Variants in NPAS3 observed in about 807,000 individuals in gnomAD.
NPAS3 encodes the protein neuronal PAS domain-containing protein 3.
A neutral mutation model predicts 73.1 loss-of-function variants in NPAS3; 14 were observed. The ratio of observed to expected loss-of-function variants is 0.19; its 90% CI spans 0.13 to 0.30. NPAS3 has a LOEUF of 0.30. Among genes scored for constraint, NPAS3 ranks in the 10% least tolerant of loss-of-function variants. NPAS3 has a pLI of 1.00. For missense variants in NPAS3, 1,096 were observed against 1,250.0 expected, an observed-to-expected ratio of 0.88 and a Z score of 1.86; for synonymous variants, 620 against 541.5, an observed-to-expected ratio of 1.14 and a Z score of -2.01.
chr14:33,257,294 C>G (rs17473068), intron 3 of NPAS3, among the ~76,000 whole-genome samples: 3 of 151,994 alleles, frequency 2.0e-5, no homozygotes, highest in Admixed American at 2.0e-4. Flanking sequence ...TTAGGGGAGT[C>G]TCAGCTGACC....
At chr14:33,333,267 T>A (rs1373412141) in intron 3 of NPAS3, among the ~76,000 whole-genome samples, 9 of 152,192 alleles carry the variant, frequency 5.9e-5, no homozygotes, top group Non-Finnish European at 1.2e-4. Context: ...TTTTATGGAT[T>A]TATGTGTCTA....
rs371610748 is a variant in NPAS3, at chr14:33,265,604, A to C, written c.385+50178A>C. 1.2e-4 allele frequency among the ~76,000 whole-genome samples: 19 copies of C among 152,292 alleles called. No homozygotes were observed. The East Asian group carries it at 3.5e-3, about 28-fold the overall frequency. ...ATGTGTTCACTTACTGAATTCTCAC[A>C]CCAGTACTAGCGGGGAAGTACTATT... is the stretch of plus-strand genomic sequence containing the variant. On this transcript the variant is annotated intron_variant, in intron 3 of 11. Coordinates refer to ENST00000356141, the Ensembl canonical transcript of NPAS3.
rs372856538 is a variant in NPAS3 at position 33,376,657 on chromosome 14, G to A, written c.468+9389G>A. On this transcript the variant is annotated intron_variant, in intron 4 of 11. Transcript: ENST00000356141. ...TTTGTATCCACATCTCCAGACATGG[G>A]AGAGTATATGACAGATTCATTATGT... is the stretch of plus-strand genomic sequence containing the variant. Among the ~76,000 whole-genome samples, 4 of 152,288 alleles carry A rather than the reference G, an allele frequency of 2.6e-5. No homozygotes were observed. In the South Asian group the frequency reaches 8.3e-4, roughly 32 times the overall value.
At chr14:33,416,131 A>G (rs1006615687) in intron 4 of NPAS3, among the ~76,000 whole-genome samples, 1 of 152,086 alleles carries the variant, frequency 6.6e-6, no homozygotes, top group Non-Finnish European at 1.5e-5. Context: ...AGGTACTTAC[A>G]AACCAACTCC....
intron 2 of NPAS3, among the ~76,000 whole-genome samples, chr14:33,127,443 G>A (rs189680492): frequency 1.3e-5 from 2 of 152,200 alleles, no homozygotes; most frequent in East Asian, 3.9e-4. Flanking sequence ...TGTTTGTAGT[G>A]TTGCATTTCC....
intron 3 of NPAS3, among the ~76,000 whole-genome samples, chr14:33,279,664 A>G (rs911700384): frequency 2.6e-5 from 4 of 152,162 alleles, no homozygotes; most frequent in Admixed American, 6.6e-5. Context: ...TTTGGAAAGC[A>G]TAGGGGTAGA....
chr14:33,455,679 AG>A lies in NPAS3; in HGVS notation c.468+88413del, dbSNP rs537837171. ...ACCATTGCACATGACTGATTCTGTA[AG>A]GATCTACAAGTAGGTGTTTAGGTGT... On this transcript the variant is annotated intron_variant, in intron 4 of 11. Coordinates refer to ENST00000356141, the Ensembl canonical transcript of NPAS3. Among the ~76,000 whole-genome samples, 21 of 152,328 alleles carry A rather than the reference AG, an allele frequency of 1.4e-4. 1 individual carries two copies. The South Asian group carries it at 4.1e-3, about 30-fold the overall frequency.
At chr14:33,377,598 C>T (rs1056583056) in intron 4 of NPAS3, among the ~76,000 whole-genome samples, 8 of 152,168 alleles carry the variant, frequency 5.3e-5, no homozygotes, top group African/African-American at 7.2e-5. Context: ...ATGGCAGATA[C>T]GTATCCACGG....
intron 11 of NPAS3, among the ~76,000 whole-genome samples, chr14:33,798,974 C>CTA (rs2063595746): frequency 4.0e-5 from 1 of 24,818 alleles, no homozygotes; most frequent in African/African-American, 9.9e-5. Flanking sequence ...GACCCTGTCT[C>CTA]TACAAAAAAA....
At chr14:33,371,914 T>C (rs138848767) in intron 4 of NPAS3, among the ~76,000 whole-genome samples, 1 of 152,248 alleles carries the variant, frequency 6.6e-6, no homozygotes, top group East Asian at 1.9e-4. Flanking sequence ...TTGAGTCAAC[T>C]AAGATTTTAA....
chr14:33,780,254 T>C (rs2062938415), intron 9 of NPAS3, among the ~76,000 whole-genome samples: 1 of 152,180 alleles, frequency 6.6e-6, no homozygotes, highest in African/African-American at 2.4e-5. Context: ...GAATGGGTGT[T>C]GTGTATCGTA....
intron 5 of NPAS3, among the ~76,000 whole-genome samples, chr14:33,632,486 G>A (rs1013938648): frequency 6.6e-6 from 1 of 152,186 alleles, no homozygotes; most frequent in African/African-American, 2.4e-5. Flanking sequence ...GTTAACTGCT[G>A]TATTTATAAC....
chr14:33,041,347 G>T (rs1375743466), intron 1 of NPAS3, among the ~76,000 whole-genome samples: 1 of 152,036 alleles, frequency 6.6e-6, no homozygotes, highest in East Asian at 1.9e-4. Context: ...ATTTATGAAG[G>T]TAATAACACA....
At chr14:33,651,701 A>C (rs2058999460) in intron 5 of NPAS3, among the ~76,000 whole-genome samples, 2 of 152,036 alleles carry the variant, frequency 1.3e-5, no homozygotes, top group Non-Finnish European at 1.5e-5. Flanking sequence ...CCCCCTTTCT[A>C]TAAGGTCATT....
intron 4 of NPAS3, among the ~76,000 whole-genome samples, chr14:33,537,572 C>A (rs1407306545): frequency 6.6e-6 from 1 of 152,124 alleles, no homozygotes; most frequent in Non-Finnish European, 1.5e-5. Flanking sequence ...GTGAGATCAT[C>A]AACCTTATTT....
intron 4 of NPAS3, among the ~76,000 whole-genome samples, chr14:33,515,099 G>A (rs894215028): frequency 6.6e-6 from 1 of 152,006 alleles, no homozygotes; most frequent in Admixed American, 6.6e-5. Context: ...TGGCTCTGTC[G>A]AGCCAATTAT....
chr14:33,050,030 G>T (rs1431863418), intron 1 of NPAS3, among the ~76,000 whole-genome samples: 2 of 152,084 alleles, frequency 1.3e-5, no homozygotes. Flanking sequence ...GAATATTTTG[G>T]TTAGCGCTGA....
intron 1 of NPAS3, among the ~76,000 whole-genome samples, chr14:33,047,806 C>T (rs564923773): frequency 6.6e-6 from 1 of 152,168 alleles, no homozygotes; most frequent in African/African-American, 2.4e-5. Context: ...TGGTTGCAAT[C>T]TGCATGCCTC....
Position 33,374,402 on chromosome 14 carries a change from A to G in NPAS3, c.468+7134A>G, listed in dbSNP as rs72680131. Among the ~76,000 whole-genome samples, 1,282 of 152,238 alleles carry G rather than the reference A, an allele frequency of 8.4e-3. 11 individuals carry two copies. Among genetic ancestry groups the G allele is most frequent in the Middle Eastern group, 0.02 (6 of 294 alleles). On this transcript the variant is annotated intron_variant, in intron 4 of 11. Transcript: ENST00000356141. ...GTAAAGGGCATATCCTAGAATCATGATTAGTTGGTCCATATAGTCTTTTGG... is the reference window on the plus strand; with the variant it reads ...GTAAAGGGCATATCCTAGAATCATGGTTAGTTGGTCCATATAGTCTTTTGG...
Sources: gnomAD v4.1 joint callset for allele counts (sites outside exome capture counted in the v4.1 genomes callset) on GRCh38, gnomAD v4.1.1 for gene constraint, MANE v1.5 for transcripts, NCBI Gene and HGNC (gene_info 2026-07-23, HGNC 2026-07-21) for gene names.